AFF2: variants seen among roughly 807,000 people sequenced by gnomAD.
AFF2 encodes ALF transcription elongation factor 2.
In AFF2, 14 loss-of-function variants were observed where a neutral mutation model predicts 76.9. That is an observed-to-expected ratio of 0.18 (90% CI 0.12 to 0.28). The LOEUF is 0.28. Ranked by LOEUF, AFF2 falls within the 10% of genes least tolerant of loss-of-function variation. The pLI is 1.00. For missense variants in AFF2, 868 were observed against 1,001.1 expected, an observed-to-expected ratio of 0.87 and a Z score of 1.79; for synonymous variants, 398 against 366.7, an observed-to-expected ratio of 1.09 and a Z score of -0.98.
intron 19 of AFF2, among the ~76,000 whole-genome samples, chrX:148,982,786 G>T (rs2072410950): frequency 8.9e-6 from 1 of 111,882 alleles, no homozygotes; most frequent in African/African-American, 3.2e-5. Flanking sequence ...AGAAAAATCT[G>T]CTGAGTTTAC....
At chrX:148,869,533 G>T (rs1379412155) in intron 7 of AFF2, among the ~76,000 whole-genome samples, 1 of 112,015 alleles carries the variant, frequency 8.9e-6, no homozygotes, top group Non-Finnish European at 1.9e-5. Flanking sequence ...GAACATTGTG[G>T]TGGAACTGGA....
chrX:148,577,368 T>C (rs1327595590), intron 1 of AFF2, among the ~76,000 whole-genome samples: 1 of 112,265 alleles, frequency 8.9e-6, no homozygotes, highest in East Asian at 2.8e-4. Flanking sequence ...AGTAATGGTG[T>C]ACGTGAAAAG....
At chrX:148,720,626 T>C (rs1246697916) in intron 3 of AFF2, among the ~76,000 whole-genome samples, 1 of 110,705 alleles carries the variant, frequency 9.0e-6, no homozygotes, top group Non-Finnish European at 1.9e-5. Flanking sequence ...TTGCCATCAG[T>C]TACTCCCAAA....
chrX:148,584,470 A>G (rs2053445726), intron 1 of AFF2, among the ~76,000 whole-genome samples: 1 of 111,314 alleles, frequency 9.0e-6, no homozygotes, highest in South Asian at 3.8e-4. Flanking sequence ...GAAAAACTGA[A>G]TTTTATTGTG....
Position 148,808,522 on chromosome X carries a change from T to A in AFF2, c.1042-1354T>A, listed in dbSNP as rs976576845. On this transcript the variant is annotated intron_variant, in intron 3 of 20. Transcript: ENST00000370460. ...TAGAGTATTATTGTTATCGGAAGGA[T>A]GACTGTATAAATTTGTCATCCAAAC... Among the ~76,000 whole-genome samples, 9 of 112,393 alleles carry A rather than the reference T, an allele frequency of 8.0e-5. No individual in the cohort carries two copies. In the Admixed American group the frequency reaches 8.5e-4, roughly 11 times the overall value.
At chrX:148,531,239 A>G (rs1444163427) in intron 1 of AFF2, among the ~76,000 whole-genome samples, 2 of 111,826 alleles carry the variant, frequency 1.8e-5, no homozygotes, top group Non-Finnish European at 3.8e-5. Context: ...AGGACTGAAT[A>G]TTCGCCTTCA....
intron 1 of AFF2, among the ~76,000 whole-genome samples, chrX:148,647,038 G>C (rs997130500): frequency 1.8e-5 from 2 of 112,032 alleles, no homozygotes; most frequent in Non-Finnish European, 3.8e-5. Context: ...ATTCAAAATA[G>C]GACTCGGTAT....
chrX:148,883,041 C>T (rs1468308646), intron 7 of AFF2, among the ~76,000 whole-genome samples: 5 of 109,892 alleles, frequency 4.5e-5, no homozygotes, highest in Non-Finnish European at 7.6e-5. Flanking sequence ...CTGCCTATTT[C>T]CAGAACTGTA....
At chrX:148,528,151 C>T (rs1398918350) in intron 1 of AFF2, among the ~76,000 whole-genome samples, 1 of 111,852 alleles carries the variant, frequency 8.9e-6, no homozygotes, top group African/African-American at 3.2e-5. Flanking sequence ...CTGTAATTCA[C>T]TTTACTTTTT....
chrX:148,980,654 T>C lies in AFF2; in HGVS notation c.3571-84T>C, dbSNP rs151034136. 1.1e-3 allele frequency: 879 copies of C among 795,882 alleles called. 3 individuals carry two copies. The African/African-American group carries it at 0.016, about 14-fold the overall frequency. The allele number at this position is 795,882 out of a possible 1,213,427, so 65.6% of individuals were successfully genotyped here. A position where few individuals can be genotyped will look rare whatever the true frequency, so the allele number is the denominator to read the frequency against. On this transcript the variant is annotated intron_variant, in intron 18 of 20. Coordinates refer to ENST00000370460, the MANE Select transcript of AFF2 (RefSeq NM_002025.4). ...TGCTGCAATCAATATTAATGTACTC[T>C]AAATCACACTTCCATCTGTTTCTGA...
At chrX:148,732,089 A>G (rs1474588101) in intron 3 of AFF2, among the ~76,000 whole-genome samples, 2 of 82,482 alleles carry the variant, frequency 2.4e-5, no homozygotes, top group Non-Finnish European at 4.3e-5. Context: ...TACCCAAATG[A>G]CTATAAATCA....
At chrX:148,953,773 T>A (rs1420411891) in intron 10 of AFF2, 34 bp downstream of exon 10, 1 of 1,154,199 alleles carries the variant, frequency 8.7e-7, no homozygotes, top group Non-Finnish European at 1.2e-6. Flanking sequence ...AACCATGATC[T>A]GCCTGTCCCA....
At chrX:148,616,479 G>A (rs1353665651) in intron 1 of AFF2, among the ~76,000 whole-genome samples, 1 of 111,328 alleles carries the variant, frequency 9.0e-6, no homozygotes, top group Non-Finnish European at 1.9e-5. Flanking sequence ...GTACTTTGAG[G>A]TGATGTTGAC....
chrX:148,518,062 A>G (rs2052557557), intron 1 of AFF2, among the ~76,000 whole-genome samples: 1 of 110,876 alleles, frequency 9.0e-6, no homozygotes, highest in Non-Finnish European at 1.9e-5. Flanking sequence ...GTCAAATACT[A>G]TTGTCACAGC....
At chrX:148,939,871 C>T (rs1426053135) in intron 9 of AFF2, among the ~76,000 whole-genome samples, 14 of 111,856 alleles carry the variant, frequency 1.3e-4, no homozygotes, top group African/African-American at 3.6e-4. Context: ...ATTCATGAGG[C>T]GCAGGTATAT....
At chrX:148,644,310 T>A (rs1557255104) in intron 1 of AFF2, among the ~76,000 whole-genome samples, 1 of 111,699 alleles carries the variant, frequency 9.0e-6, no homozygotes, top group South Asian at 3.8e-4. Flanking sequence ...ATCTTCTTTA[T>A]GACCAAGAGG....
At chrX:148,501,565 G>C (rs2052351961) in intron 1 of AFF2, among the ~76,000 whole-genome samples, 1 of 113,320 alleles carries the variant, frequency 8.8e-6, no homozygotes. Flanking sequence ...ATGGGGGAAA[G>C]GCAACGGCCA....
intron 3 of AFF2, among the ~76,000 whole-genome samples, chrX:148,676,138 C>T (rs1212335098): frequency 9.5e-6 from 1 of 105,479 alleles, no homozygotes; most frequent in Non-Finnish European, 1.9e-5. Flanking sequence ...TGGCTCACTG[C>T]AAGCTCCGCC....
chrX:148,703,440 G>A (rs2054827278), intron 3 of AFF2, among the ~76,000 whole-genome samples: 1 of 111,928 alleles, frequency 8.9e-6, no homozygotes, highest in African/African-American at 3.3e-5. Flanking sequence ...CCACGTTTCA[G>A]GTGTGTGCAT....
Sources: gnomAD v4.1 joint callset for allele counts (sites outside exome capture counted in the v4.1 genomes callset) on GRCh38, gnomAD v4.1.1 for gene constraint, MANE v1.5 for transcripts, NCBI Gene and HGNC (gene_info 2026-07-23, HGNC 2026-07-21) for gene names.